KIF3B: variants seen among roughly 807,000 people sequenced by gnomAD.
KIF3B encodes kinesin-like protein KIF3B.
A neutral mutation model predicts 74.3 loss-of-function variants in KIF3B; 38 were observed. The ratio of observed to expected loss-of-function variants is 0.51; its 90% CI spans 0.39 to 0.67. The LOEUF is 0.67. Among genes scored for constraint, KIF3B ranks in the 30% least tolerant of loss-of-function variants. The pLI, the probability that KIF3B is intolerant of heterozygous loss-of-function variation, is 0.00. For missense variants in KIF3B, 649 were observed against 932.0 expected, an observed-to-expected ratio of 0.70 and a Z score of 3.95; for synonymous variants, 326 against 342.5, an observed-to-expected ratio of 0.95 and a Z score of 0.53.
At position 32,333,118 on chromosome 20, in the gene KIF3B, C is replaced by T. The variant is rs2047937768; in HGVS notation, c.*1799C>T. ...TTTTAGTAACCCTTCTTTCTGAACC[C>T]AGGGCCCTTTTCAGCCTTCCCTCAT... On this transcript the variant is annotated 3_prime_UTR_variant, in exon 9 of 9. Coordinates refer to ENST00000375712, the MANE Select transcript of KIF3B (RefSeq NM_004798.4). The T allele has an allele frequency of 2.0e-5, 3 of 152,354 alleles. No individual in the cohort carries two copies. The highest frequency in any genetic ancestry group is 4.2e-4 in the South Asian group (2 of 4,818). 9.4% of individuals were successfully genotyped at this position (152,354 alleles called of 1,614,324 possible).
chr20:32,315,583 T>A (rs1358630683), intron 2 of KIF3B, among the ~76,000 whole-genome samples: 1 of 152,130 alleles, frequency 6.6e-6, no homozygotes, highest in Non-Finnish European at 1.5e-5. Flanking sequence ...TGTGGTGGTG[T>A]ACACCTGTAG....
chr20:32,320,768 T>C (rs1394738480), intron 5 of KIF3B, among the ~76,000 whole-genome samples: 1 of 152,176 alleles, frequency 6.6e-6, no homozygotes, highest in Non-Finnish European at 1.5e-5. Context: ...TGTTGTAGCA[T>C]GTATCAATAC....
intron 7 of KIF3B, among the ~76,000 whole-genome samples, chr20:32,328,093 C>A (rs1314338967): frequency 6.6e-6 from 1 of 150,428 alleles, no homozygotes; most frequent in Non-Finnish European, 1.5e-5. Flanking sequence ...AGAGTGAGAC[C>A]CTGTCTCAAA....
At chr20:32,327,429 C>A in intron 6 of KIF3B, 127 bp from the exon 7 acceptor site, 1 of 664,662 alleles carries the variant, frequency 1.5e-6, no homozygotes, top group East Asian at 2.7e-5. Context: ...AAAACAGAAG[C>A]ATTTCCCGTC....
chr20:32,288,928 T>G (rs1281702492), intron 1 of KIF3B, among the ~76,000 whole-genome samples: 2 of 152,204 alleles, frequency 1.3e-5, no homozygotes, highest in Non-Finnish European at 2.9e-5. Flanking sequence ...TATGGGAAAT[T>G]CTGTTGGATC....
In KIF3B at chr20:32,309,821, G is replaced by A; in HGVS notation, c.44G>A (p.Arg15His). 1.2e-6 allele frequency: 2 copies of A among 1,614,054 alleles called. No homozygotes were observed. The highest frequency in any genetic ancestry group is 1.7e-6 in the Non-Finnish European group (2 of 1,180,006). Residue 15 changes from arginine to histidine, a missense_variant, in exon 2 of 9, where the codon CGC (arginine) becomes CAC (histidine). Coordinates refer to ENST00000375712, the MANE Select transcript of KIF3B (RefSeq NM_004798.4). ...KSSESVRVVV[R>H]CRPMNGKEKA... Reference sequence around the variant, plus strand: ...TCAGAGTCAGTCAGGGTGGTGGTTCGCTGTCGGCCCATGAATGGCAAGGAA... The same window carrying A: ...TCAGAGTCAGTCAGGGTGGTGGTTCACTGTCGGCCCATGAATGGCAAGGAA...
At chr20:32,327,020 T>C (rs1277339825) in intron 6 of KIF3B, 136 bp downstream of exon 6, 5 of 560,874 alleles carry the variant, frequency 8.9e-6, no homozygotes, top group Non-Finnish European at 1.6e-5. Context: ...CCCACTGCAT[T>C]ACTGATTTTC....
intron 1 of KIF3B, among the ~76,000 whole-genome samples, chr20:32,280,603 TA>T (rs2047637612): frequency 6.7e-6 from 1 of 149,412 alleles, no homozygotes; most frequent in Admixed American, 6.8e-5. Context: ...TAGTCCCAGC[TA>T]CTCGGGAGGC....
chr20:32,287,682 T>C (rs1473466446), intron 1 of KIF3B, among the ~76,000 whole-genome samples: 1 of 152,172 alleles, frequency 6.6e-6, no homozygotes, highest in African/African-American at 2.4e-5. Flanking sequence ...TACTACACTT[T>C]CCCTGGCATT....
At chr20:32,330,527 C>T (rs1282926234) in intron 8 of KIF3B, among the ~76,000 whole-genome samples, 1 of 152,188 alleles carries the variant, frequency 6.6e-6, no homozygotes, top group Admixed American at 6.5e-5. Flanking sequence ...CTAATGTCCC[C>T]AGTCCCTTAC....
At chr20:32,324,752 G>A (rs530964856) in intron 5 of KIF3B, among the ~76,000 whole-genome samples, 47 of 152,242 alleles carry the variant, frequency 3.1e-4, no homozygotes, top group African/African-American at 1.1e-3. Context: ...ATGTAGGCAA[G>A]GTGCGGTGGC....
rs145093710 is a variant in KIF3B at position 32,297,981 on chromosome 20, A to G, written c.-65-11732A>G. ...CAAAATTAGCTGGGCAAGGTGGCGC[A>G]TCCCTGCAATCCCAGCTACTTGGGA... On this transcript the variant is annotated intron_variant, in intron 1 of 8. Transcript: ENST00000375712. 1.5e-3 allele frequency among the ~76,000 whole-genome samples: 224 copies of G among 152,130 alleles called. 1 individual carries two copies. The highest frequency in any genetic ancestry group is 2.7e-3 in the Non-Finnish European group (181 of 67,992).
intron 1 of KIF3B, among the ~76,000 whole-genome samples, chr20:32,307,848 G>A (rs1380001267): frequency 6.6e-6 from 1 of 150,736 alleles, no homozygotes; most frequent in Non-Finnish European, 1.5e-5. Context: ...GAACCCAGGA[G>A]GCGGAGCTTG....
intron 5 of KIF3B, among the ~76,000 whole-genome samples, chr20:32,318,677 T>C (rs2047840832): frequency 1.3e-5 from 2 of 152,374 alleles, no homozygotes; most frequent in South Asian, 4.1e-4. Flanking sequence ...TTATTATGAC[T>C]GAATAATATT....
chr20:32,308,951 G>A (rs1372410727), intron 1 of KIF3B, among the ~76,000 whole-genome samples: 5 of 151,730 alleles, frequency 3.3e-5, no homozygotes, highest in South Asian at 4.1e-4. Flanking sequence ...TCCTGACCTC[G>A]TGATCCACCC....
At chr20:32,318,639 A>C (rs1485832412) in intron 5 of KIF3B, among the ~76,000 whole-genome samples, 1 of 152,250 alleles carries the variant, frequency 6.6e-6, no homozygotes, top group Non-Finnish European at 1.5e-5. Flanking sequence ...ATCAACAGAT[A>C]TCTGGTAGTC....
At chr20:32,328,781 A>G (rs1427990071) in intron 7 of KIF3B, among the ~76,000 whole-genome samples, 1 of 152,210 alleles carries the variant, frequency 6.6e-6, no homozygotes, top group Non-Finnish European at 1.5e-5. Flanking sequence ...AGGTACTTTC[A>G]TCTCACAAAA....
intron 5 of KIF3B, among the ~76,000 whole-genome samples, chr20:32,322,650 T>TTATATATATTTATATA (rs1257330737): frequency 2.6e-4 from 21 of 81,692 alleles, no homozygotes; most frequent in Admixed American, 3.9e-4. Flanking sequence ...ATATATATAT[T>TTATATATATTTATATA]TTTATATATT....
At position 32,310,498 on chromosome 20, in the gene KIF3B, T is replaced by C. The variant is rs1169554782; in HGVS notation, c.721T>C (p.Leu241=). 2.5e-6 allele frequency: 4 copies of C among 1,613,772 alleles called. No homozygotes were observed. The highest frequency in any genetic ancestry group is 3.4e-6 in the Non-Finnish European group (4 of 1,179,998). The part of the protein sequence containing the change: ...DGENHIRVGK[L]NLVDLAGSER... ...TGAAAACCACATCCGTGTAGGAAAA[T>C]TGAACCTTGTAGATCTTGCTGGCAG... The change falls in exon 2 of 9, where the codon TTG becomes CTG. Residue 241 remains leucine (L), a synonymous_variant. Coordinates refer to ENST00000375712, the MANE Select transcript of KIF3B (RefSeq NM_004798.4). The surrounding 1 kb of genome is among the most constrained non-coding windows in gnomAD (Gnocchi z 6.5).
Sources: allele counts gnomAD v4.1 joint callset (sites outside exome capture counted in the v4.1 genomes callset), GRCh38; gene constraint gnomAD v4.1.1; non-coding constraint Gnocchi (gnomAD v3.1); transcripts MANE v1.5; gene names NCBI Gene and HGNC (gene_info 2026-07-23, HGNC 2026-07-21).